Variants in PRKAR1A observed in about 807,000 individuals in gnomAD.
The protein encoded by PRKAR1A is protein kinase cAMP-dependent type I regulatory subunit alpha.
Under a neutral mutation model 52.0 loss-of-function variants are expected in PRKAR1A, and 3 were observed. The observed-to-expected ratio is 0.06, with a 90% CI of 0.03 to 0.15. The LOEUF (loss-of-function observed/expected upper bound fraction) is 0.15. Among genes scored for constraint, PRKAR1A ranks in the 10% least tolerant of loss-of-function variants. PRKAR1A has a pLI of 1.00. For missense variants in PRKAR1A, 240 were observed against 477.4 expected, an observed-to-expected ratio of 0.50 and a Z score of 4.63; for synonymous variants, 188 against 168.4, an observed-to-expected ratio of 1.12 and a Z score of -0.90.
the PRKAR1A span, chr17:68,457,544 CCCCGCCCCTACCCCGCCCCGTCCCCA>C: frequency 1.4e-5 from 3 of 214,664 alleles, no homozygotes; most frequent in South Asian, 1.2e-4. Context: ...CCCGTCCCCA[CCCCGCCCCTACCCCGCCCCGTCCCCA>C]CCCCGCCCCT....
rs114670810 is a variant in PRKAR1A, at chr17:68,515,082, C to T, written c.-6-312C>T. On this transcript the variant is annotated intron_variant, in intron 1 of 10. Coordinates refer to ENST00000589228, the MANE Select transcript of PRKAR1A (RefSeq NM_002734.5). ...TTTTGAGGGAGAACTGAATGAAATTCCCTTAAGGGCCTGACTTCAGCACCC... is the reference window on the plus strand; with the variant it reads ...TTTTGAGGGAGAACTGAATGAAATTTCCTTAAGGGCCTGACTTCAGCACCC... The T allele has an allele frequency of 6.2e-3, 2,271 of 368,188 alleles. 47 individuals carry two copies. Among genetic ancestry groups the T allele is most frequent in the African/African-American group, 0.042 (2,037 of 47,966 alleles). The allele number at this position is 368,188 out of a possible 1,614,324, so 22.8% of individuals were successfully genotyped here. A position where few individuals can be genotyped will look rare whatever the true frequency, so the allele number is the denominator to read the frequency against.
the PRKAR1A span, among the ~76,000 whole-genome samples, chr17:68,477,312 A>G: frequency 6.6e-6 from 1 of 152,008 alleles, no homozygotes; most frequent in Non-Finnish European, 1.5e-5. Flanking sequence ...CTGCTTTTAC[A>G]TTTTCTGCCA....
At chr17:68,493,977 C>A in the PRKAR1A span, among the ~76,000 whole-genome samples, 2 of 151,822 alleles carry the variant, frequency 1.3e-5, no homozygotes, top group African/African-American at 4.8e-5. Context: ...GTGGCAACAT[C>A]GTCCATCAAA....
At chr17:68,452,885 T>A in the PRKAR1A span, 10 of 1,607,670 alleles carry the variant, frequency 6.2e-6, no homozygotes, top group Non-Finnish European at 8.5e-6. Context: ...TGCAGATCCC[T>A]GAGGTCTCTC....
At position 68,551,122 on chromosome 17, in the gene PRKAR1A, T is replaced by C; in HGVS notation, c.1012T>C (p.Ter338GlnextTer7). Reference sequence around the variant, plus strand: ...CTCAAGGAGGAGCATTCCCCTGGGCTAAGGCACTGGGGCCGAACTCTAGGA... The same window carrying C: ...CTCAAGGAGGAGCATTCCCCTGGGCCAAGGCACTGGGGCCGAACTCTAGGA... Residue 338 changes from the stop codon to glutamine (Q), a stop_lost, in exon 12 of 12, where the codon TAA (stop) becomes CAA (glutamine). Transcript: ENST00000585981. The C allele has an allele frequency of 8.4e-7, 1 of 1,184,754 alleles. No homozygotes were observed. Among genetic ancestry groups the C allele is most frequent in the East Asian group, 3.3e-5 (1 of 30,258 alleles). The allele number at this position is 1,184,754 out of a possible 1,614,324, so 73.4% of individuals were successfully genotyped here.
chr17:68,457,727 C>T, the PRKAR1A span, among the ~76,000 whole-genome samples: 1 of 151,986 alleles, frequency 6.6e-6, no homozygotes, highest in Non-Finnish European at 1.5e-5. Context: ...CTGGCGGGCA[C>T]CGCCCCCCTT....
Position 68,523,823 on chromosome 17 carries a change from A to G in PRKAR1A, c.440+7A>G, listed in dbSNP as rs377133184. 6.8e-6 allele frequency: 11 copies of G among 1,612,282 alleles called. No individual in the cohort carries two copies. Among genetic ancestry groups the G allele is most frequent in the Admixed American group, 3.3e-5 (2 of 60,002 alleles). ...TTGATGATAATGAGAGAAGGTAGGA[A>G]CAGGCTCTTTCTTAACACTATTTTT... On this transcript the variant is annotated splice_region_variant and intron_variant, in intron 4 of 10. Coordinates refer to ENST00000589228, the MANE Select transcript of PRKAR1A (RefSeq NM_002734.5).
rs981467392 is a variant in PRKAR1A, at chr17:68,517,098, T to C, written c.177+1522T>C. ...AAAGGTGGAAAGCAATAAATAATTA[T>C]TAAAATGGTTTCTTTGCAGATGGAA... is the stretch of plus-strand genomic sequence containing the variant. On this transcript the variant is annotated intron_variant, in intron 2 of 10. Coordinates refer to ENST00000589228, the MANE Select transcript of PRKAR1A (RefSeq NM_002734.5). 2.0e-5 allele frequency among the ~76,000 whole-genome samples: 3 copies of C among 152,374 alleles called. No individual in the cohort carries two copies. In the East Asian group the frequency reaches 5.8e-4, roughly 29 times the overall value.
chr17:68,522,025 G>A (rs1371995637), intron 2 of PRKAR1A, among the ~76,000 whole-genome samples: 1 of 152,130 alleles, frequency 6.6e-6, no homozygotes, highest in East Asian at 1.9e-4. Context: ...AACTCTTTTT[G>A]TCTTTTAACT....
At chr17:68,415,213 T>C in the PRKAR1A span, among the ~76,000 whole-genome samples, 1 of 152,176 alleles carries the variant, frequency 6.6e-6, no homozygotes, top group African/African-American at 2.4e-5. Context: ...GAGGTTTTGA[T>C]AGGTTGTGTC....
At chr17:68,537,753 A>C (rs1422035858), downstream of PRKAR1A, 1 of 1,605,282 alleles carries the variant, frequency 6.2e-7, no homozygotes, top group Admixed American at 1.7e-5. The surrounding 1 kb of genome is among the most constrained non-coding windows in gnomAD (Gnocchi z 4.2). Flanking sequence ...TGAAAAGACA[A>C]AGTTACAGGA....
the PRKAR1A span, among the ~76,000 whole-genome samples, chr17:68,442,234 C>T: frequency 1.3e-5 from 2 of 152,192 alleles, no homozygotes; most frequent in African/African-American, 4.8e-5. Context: ...GAGGCCAAGG[C>T]GGGCGGATCA....
chr17:68,525,694 T>C, intron 6 of PRKAR1A, 60 bp from the exon 7 acceptor site: 2 of 1,571,440 alleles, frequency 1.3e-6, no homozygotes, highest in South Asian at 2.2e-5. Context: ...TTTGAGGGTT[T>C]TTAACATTTA....
In PRKAR1A at chr17:68,525,831, A is replaced by T; in HGVS notation, c.627A>T (p.Thr209=). 1 of 1,613,980 alleles carries T rather than the reference A, an allele frequency of 6.2e-7. No homozygotes were observed. Among genetic ancestry groups the T allele is most frequent in the South Asian group, 1.1e-5 (1 of 91,074 alleles). The change falls in exon 7 of 11, where the codon ACA becomes ACT. Residue 209 remains threonine, a synonymous_variant. Coordinates refer to ENST00000589228, the MANE Select transcript of PRKAR1A (RefSeq NM_002734.5). ...SFGELALIYG[T]PRAATVKAKT... is the part of the protein sequence containing the mutation. Reference sequence around the variant, plus strand: ...GAGAACTTGCTTTGATTTATGGAACACCGAGAGCAGCCACTGTCAAAGCAA... The same window carrying T: ...GAGAACTTGCTTTGATTTATGGAACTCCGAGAGCAGCCACTGTCAAAGCAA...
chr17:68,497,780 G>C, the PRKAR1A span, among the ~76,000 whole-genome samples: 1 of 152,176 alleles, frequency 6.6e-6, no homozygotes, highest in South Asian at 2.1e-4. Flanking sequence ...CAGGGAGGTT[G>C]ACTCCTGAGC....
At chr17:68,515,286 G>GA (rs376951787) in intron 1 of PRKAR1A, 108 bp from the exon 2 acceptor site, 37 of 1,311,022 alleles carry the variant, frequency 2.8e-5, no homozygotes, top group African/African-American at 1.9e-4. Context: ...AATCTACTTA[G>GA]AAAAAAATCC....
At chr17:68,507,290 C>G (rs1295269550), upstream of PRKAR1A, among the ~76,000 whole-genome samples, 1 of 152,208 alleles carries the variant, frequency 6.6e-6, no homozygotes, top group African/African-American at 2.4e-5. Context: ...AAATGTGGTA[C>G]ATATACACTG....
downstream of PRKAR1A, chr17:68,535,198 G>A (rs921745861): frequency 1.3e-4 from 56 of 446,020 alleles, no homozygotes; most frequent in African/African-American, 2.6e-4. Flanking sequence ...AGAATGAAAC[G>A]GTTGGTTTTC....
chr17:68,419,017 CAAAAAAAAA>C, the PRKAR1A span, among the ~76,000 whole-genome samples: 1 of 112,960 alleles, frequency 8.9e-6, no homozygotes, highest in South Asian at 2.8e-4. Flanking sequence ...ATAGCAAAGC[CAAAAAAAAA>C]AAAAAAAAGT....
Sources: gnomAD v4.1 joint callset for allele counts (sites outside exome capture counted in the v4.1 genomes callset) on GRCh38, gnomAD v4.1.1 for gene constraint, Gnocchi (gnomAD v3.1) non-coding constraint, MANE v1.5 for transcripts, NCBI Gene and HGNC (gene_info 2026-07-23, HGNC 2026-07-21) for gene names.